Variants in SMC1B observed in about 807,000 individuals in gnomAD.
SMC1B encodes the protein structural maintenance of chromosomes protein 1B.
A neutral mutation model predicts 157.9 loss-of-function variants in SMC1B; 60 were observed. That is an observed-to-expected ratio of 0.38 (90% CI 0.31 to 0.47). The LOEUF (loss-of-function observed/expected upper bound fraction) is 0.47. Ranked by LOEUF, SMC1B falls within the 20% of genes least tolerant of loss-of-function variation. The pLI is 0.99. For missense variants in SMC1B, 1,165 were observed against 1,426.2 expected, an observed-to-expected ratio of 0.82 and a Z score of 2.95; for synonymous variants, 445 against 483.0, an observed-to-expected ratio of 0.92 and a Z score of 1.03.
intron 12 of SMC1B, among the ~76,000 whole-genome samples, chr22:45,372,934 C>T (rs1402530801): frequency 1.3e-5 from 2 of 152,032 alleles, no homozygotes; most frequent in Non-Finnish European, 2.9e-5. Context: ...AGGATCATCT[C>T]GATCTCCTGA....
At chr22:45,349,931 A>G (rs1472468679) in intron 22 of SMC1B, 134 bp from the exon 23 acceptor site, 7 of 688,638 alleles carry the variant, frequency 1.0e-5, no homozygotes, top group South Asian at 5.8e-5. Flanking sequence ...GGTGACCTCT[A>G]TGTTACTAAA....
chr22:45,356,997 T>A (rs1300431056), intron 19 of SMC1B, among the ~76,000 whole-genome samples: 2 of 152,096 alleles, frequency 1.3e-5, no homozygotes, highest in Admixed American at 1.3e-4. Flanking sequence ...CCTCCCAAAG[T>A]GCTGGGATTA....
In SMC1B at chr22:45,364,932, G is replaced by T. The variant is rs139086385; in HGVS notation, c.2421-1906C>A. Among the ~76,000 whole-genome samples, 343 of 149,706 alleles carry T rather than the reference G, an allele frequency of 2.3e-3. 1 individual carries two copies. The highest frequency in any genetic ancestry group is 7.9e-3 in the African/African-American group (321 of 40,396). On this transcript the variant is annotated intron_variant, in intron 15 of 24. Transcript: ENST00000357450. The stretch of plus-strand genomic sequence containing the variant: ...GGCTCACTGCAAGCTCCGCTTCCCG[G>T]GTTCACGCCATTCTGCTGCCTCAGC...
intron 12 of SMC1B, among the ~76,000 whole-genome samples, 181 bp from the exon 13 acceptor site, chr22:45,372,473 G>A (rs1296533335): frequency 6.6e-6 from 1 of 152,064 alleles, no homozygotes; most frequent in African/African-American, 2.4e-5. Flanking sequence ...TAACCAAAAT[G>A]CCATACAGCT....
intron 19 of SMC1B, among the ~76,000 whole-genome samples, chr22:45,355,663 G>A (rs2086662543): frequency 6.6e-6 from 1 of 152,160 alleles, no homozygotes; most frequent in Non-Finnish European, 1.5e-5. Flanking sequence ...GGCAGGGAGA[G>A]GGGATCCAAT....
At chr22:45,353,471 T>C (rs1257729044) in intron 21 of SMC1B, among the ~76,000 whole-genome samples, 2 of 152,032 alleles carry the variant, frequency 1.3e-5, no homozygotes, top group African/African-American at 4.8e-5. Flanking sequence ...ATTCCACAAG[T>C]ATTTGCTATG....
At chr22:45,353,761 T>C (rs538860075) in intron 21 of SMC1B, among the ~76,000 whole-genome samples, 8 of 151,788 alleles carry the variant, frequency 5.3e-5, no homozygotes, top group Admixed American at 2.0e-4. Flanking sequence ...CAGAGAGGTT[T>C]TGACTTGTCC....
chr22:45,402,644 T>C (rs1427032893), intron 4 of SMC1B, 73 bp from the exon 5 acceptor site: 1 of 941,188 alleles, frequency 1.1e-6, no homozygotes, highest in African/African-American at 1.6e-5. Context: ...ACTCAACTAC[T>C]ATACCAACAA....
Position 45,355,114 on chromosome 22 carries a change from G to A in SMC1B, c.2963C>T (p.Ala988Val), listed in dbSNP as rs1385978158. ...DYSSLKEDLKALQSDQEIEAH... is the reference protein window; with the variant it reads ...DYSSLKEDLKVLQSDQEIEAH... ...CTCGATTTCTTGATCAGACTGTAGA[G>A]CCTATTATGGGCAAAGAACAACACT... Residue 988 changes from alanine to valine, a missense_variant and splice_region_variant, in exon 20 of 25, where the codon GCT becomes GTT. Transcript: ENST00000357450. The A allele has an allele frequency of 1.9e-6, 3 of 1,614,092 alleles. No individual in the cohort carries two copies. Among genetic ancestry groups the A allele is most frequent in the South Asian group, 2.2e-5 (2 of 91,086 alleles).
At chr22:45,359,430 G>A (rs542373034) in intron 18 of SMC1B, among the ~76,000 whole-genome samples, 3 of 152,324 alleles carry the variant, frequency 2.0e-5, no homozygotes, top group Middle Eastern at 3.4e-3. Context: ...AGTAGGGCAC[G>A]TTTCTTCTGA....
At chr22:45,409,731 C>T (rs1261068923) in intron 1 of SMC1B, among the ~76,000 whole-genome samples, 1 of 151,980 alleles carries the variant, frequency 6.6e-6, no homozygotes, top group Non-Finnish European at 1.5e-5. Context: ...TTTGAAAGTC[C>T]TACTTACAAG....
At chr22:45,407,615 C>T (rs1479687493) in intron 2 of SMC1B, among the ~76,000 whole-genome samples, 2 of 152,068 alleles carry the variant, frequency 1.3e-5, no homozygotes, top group Non-Finnish European at 2.9e-5. Context: ...CTCACGCTAC[C>T]ACACACAGCT....
intron 7 of SMC1B, 32 bp downstream of exon 7, chr22:45,396,314 A>G: frequency 1.3e-6 from 2 of 1,568,826 alleles, no homozygotes; most frequent in Non-Finnish European, 1.7e-6. Flanking sequence ...ATTAAGAATG[A>G]TTCTAAATCA....
At chr22:45,407,793 G>A (rs1400516068) in intron 2 of SMC1B, among the ~76,000 whole-genome samples, 1 of 152,068 alleles carries the variant, frequency 6.6e-6, no homozygotes, top group Non-Finnish European at 1.5e-5. Context: ...CTAGCCTAAT[G>A]CAGAAGTGAC....
At chr22:45,349,308 G>C (rs996481374) in intron 23 of SMC1B, among the ~76,000 whole-genome samples, 4 of 146,582 alleles carry the variant, frequency 2.7e-5, no homozygotes, top group Non-Finnish European at 4.5e-5. Context: ...AGCCACGGGT[G>C]CCTGGCCAAG....
At chr22:45,383,374 A>T in intron 12 of SMC1B, 93 bp downstream of exon 12, 1 of 852,080 alleles carries the variant, frequency 1.2e-6, no homozygotes, top group Non-Finnish European at 1.7e-6. Context: ...CTCTTAAACT[A>T]TAGAATTGGC....
In SMC1B at chr22:45,352,373, T is replaced by C. The variant is rs2086623900; in HGVS notation, c.3425+78A>G. On this transcript the variant is annotated intron_variant, in intron 22 of 24. Transcript: ENST00000357450. ...ATTTGCTAAATATTAATAAAGACAA[T>C]AGTTAATATATCTTCTGTAGGAAGG... 5.4e-6 allele frequency: 7 copies of C among 1,301,938 alleles called. No individual in the cohort carries two copies. In the African/African-American group the frequency reaches 7.3e-5, roughly 14 times the overall value. The allele number at this position is 1,301,938 out of a possible 1,614,324, so 80.6% of individuals were successfully genotyped here. A position where few individuals can be genotyped will look rare whatever the true frequency, so the allele number is the denominator to read the frequency against.
intron 9 of SMC1B, among the ~76,000 whole-genome samples, chr22:45,390,393 C>T (rs1043890532): frequency 6.6e-6 from 1 of 152,084 alleles, no homozygotes; most frequent in African/African-American, 2.4e-5. Context: ...TAACAGGGAC[C>T]AGGTTGGTAT....
intron 1 of SMC1B, among the ~76,000 whole-genome samples, chr22:45,410,271 C>A (rs1569202920): frequency 6.6e-6 from 1 of 152,200 alleles, no homozygotes; most frequent in South Asian, 2.1e-4. Context: ...GCATTCCTAA[C>A]CCCAATGTTA....
Sources: allele counts gnomAD v4.1 joint callset (sites outside exome capture counted in the v4.1 genomes callset), GRCh38; gene constraint gnomAD v4.1.1; transcripts MANE v1.5; gene names NCBI Gene and HGNC (gene_info 2026-07-23, HGNC 2026-07-21).